Variants in CYSTM1 observed in about 807,000 individuals in gnomAD.
CYSTM1 encodes the protein cysteine-rich transmembrane module-containing protein 1.
In CYSTM1, 4 loss-of-function variants were observed where a neutral mutation model predicts 13.1. The ratio of observed to expected loss-of-function variants is 0.31; its 90% CI spans 0.15 to 0.70. The LOEUF is 0.70. Among genes scored for constraint, CYSTM1 ranks in the 30% least tolerant of loss-of-function variants. The pLI is 0.72. For synonymous variants in CYSTM1, 36 were observed against 42.7 expected, an observed-to-expected ratio of 0.84 and a Z score of 0.62; for missense variants, 96 against 121.6, an observed-to-expected ratio of 0.79 and a Z score of 0.99.
chr5:140,232,144 G>T (rs2126670953), intron 2 of CYSTM1, among the ~76,000 whole-genome samples: 1 of 152,300 alleles, frequency 6.6e-6, no homozygotes, highest in Non-Finnish European at 1.5e-5. Context: ...GGTGCCTGGT[G>T]GTGGTGTTTA....
chr5:140,181,109 G>A (rs112532842), intron 1 of CYSTM1, among the ~76,000 whole-genome samples: 1,539 of 152,320 alleles, frequency 0.01, 27 homozygotes, highest in African/African-American at 0.033. Flanking sequence ...CTTCTGCCAC[G>A]TTAAACGTTT....
chr5:140,229,197 G>T (rs1445256267), intron 2 of CYSTM1, among the ~76,000 whole-genome samples: 4 of 151,828 alleles, frequency 2.6e-5, no homozygotes, highest in Admixed American at 2.6e-4. Flanking sequence ...CTTCCTATCT[G>T]ACTCTCTTTT....
intron 1 of CYSTM1, among the ~76,000 whole-genome samples, chr5:140,180,261 G>A (rs1026417508): frequency 3.3e-5 from 5 of 152,102 alleles, no homozygotes; most frequent in South Asian, 4.1e-4. Context: ...AGTAGGATTC[G>A]AGTGCTTGCT....
chr5:140,203,905 G>A (rs1252330979), intron 2 of CYSTM1, among the ~76,000 whole-genome samples: 1 of 152,140 alleles, frequency 6.6e-6, no homozygotes, highest in Non-Finnish European at 1.5e-5. Context: ...TACAGCTTCA[G>A]CATACCCCAG....
intron 2 of CYSTM1, chr5:140,201,857 A>C (rs1764237681): frequency 6.6e-6 from 1 of 152,148 alleles, no homozygotes; most frequent in South Asian, 2.1e-4. Context: ...AACAGAAAAA[A>C]GGGATTCTGA....
At chr5:140,236,236 A>T (rs976821225) in intron 2 of CYSTM1, among the ~76,000 whole-genome samples, 1 of 152,220 alleles carries the variant, frequency 6.6e-6, no homozygotes, top group African/African-American at 2.4e-5. Context: ...TTATAAACTC[A>T]TCTGGATAGA....
At chr5:140,233,560 T>C (rs2126671438) in intron 2 of CYSTM1, among the ~76,000 whole-genome samples, 2 of 152,370 alleles carry the variant, frequency 1.3e-5, no homozygotes, top group Middle Eastern at 6.8e-3. Flanking sequence ...AAACTGCTAC[T>C]CTTTTCCAAA....
At chr5:140,193,227 A>C (rs1283266956) in intron 1 of CYSTM1, among the ~76,000 whole-genome samples, 1 of 152,228 alleles carries the variant, frequency 6.6e-6, no homozygotes, top group Admixed American at 6.5e-5. Flanking sequence ...ATGATATGTT[A>C]AGTGAGTCAT....
chr5:140,229,319 C>T (rs1227639304), intron 2 of CYSTM1, among the ~76,000 whole-genome samples: 1 of 151,972 alleles, frequency 6.6e-6, no homozygotes, highest in East Asian at 1.9e-4. Flanking sequence ...CTCAGCCTCC[C>T]AAGTAGCTGG....
At chr5:140,227,173 T>C (rs1355649830) in intron 2 of CYSTM1, among the ~76,000 whole-genome samples, 1 of 152,150 alleles carries the variant, frequency 6.6e-6, no homozygotes. Context: ...AGAACCTGGC[T>C]CAGGTGGGCT....
intron 2 of CYSTM1, among the ~76,000 whole-genome samples, chr5:140,223,843 G>A (rs1764518098): frequency 6.6e-6 from 1 of 152,216 alleles, no homozygotes; most frequent in South Asian, 2.1e-4. Flanking sequence ...GAAGATCAAA[G>A]AGGTTGTTCA....
At chr5:140,194,017 C>T (rs1447702023) in intron 1 of CYSTM1, among the ~76,000 whole-genome samples, 2 of 152,308 alleles carry the variant, frequency 1.3e-5, no homozygotes, top group African/African-American at 2.4e-5. Flanking sequence ...AGTGGATCAG[C>T]GTCCACTGAT....
intron 1 of CYSTM1, among the ~76,000 whole-genome samples, chr5:140,187,970 C>T (rs1764038207): frequency 6.6e-6 from 1 of 150,666 alleles, no homozygotes; most frequent in South Asian, 2.1e-4. Flanking sequence ...TTGACTAGAT[C>T]ATTAACAAGA....
At chr5:140,198,341 T>C (rs1581062273) in intron 2 of CYSTM1, among the ~76,000 whole-genome samples, 1 of 152,262 alleles carries the variant, frequency 6.6e-6, no homozygotes, top group East Asian at 1.9e-4. Flanking sequence ...GAGGCTCTTC[T>C]TGCTTCGTGT....
At chr5:140,242,898 G>C (rs1339982852) in intron 2 of CYSTM1, among the ~76,000 whole-genome samples, 2 of 152,226 alleles carry the variant, frequency 1.3e-5, no homozygotes, top group African/African-American at 4.8e-5. Context: ...CCCTTTAAAA[G>C]GAGATTTTAA....
In CYSTM1 at chr5:140,194,589, C is replaced by A. The variant is rs1041378087; in HGVS notation, c.124C>A (p.Pro42Thr). 2 of 1,613,574 alleles carry A rather than the reference C, an allele frequency of 1.2e-6. No homozygotes were observed. Among genetic ancestry groups the A allele is most frequent in the Non-Finnish European group, 1.7e-6 (2 of 1,179,726 alleles). ...GGPYPPPQGYPYQGYPQYGWQ... is the reference protein window; with the variant it reads ...GGPYPPPQGYTYQGYPQYGWQ... ...ACCCTACCCACCTCCTCAAGGGTAC[C>A]CCTACCAAGGATACCCACAGTACGG... Residue 42 changes from proline (P) to threonine (T), a missense_variant, in exon 2 of 3, where the codon CCC (proline) becomes ACC (threonine). Transcript: ENST00000261811.
chr5:140,226,543 AATAAT>A (rs1195906801), intron 2 of CYSTM1, among the ~76,000 whole-genome samples: 7 of 113,308 alleles, frequency 6.2e-5, no homozygotes, highest in South Asian at 2.6e-4. Context: ...TATATATATT[AATAAT>A]ATAATATATA....
intron 2 of CYSTM1, among the ~76,000 whole-genome samples, chr5:140,206,638 G>GTTTGTTTC (rs1554132670): frequency 3.8e-4 from 57 of 151,444 alleles, no homozygotes; most frequent in African/African-American, 6.1e-4. Context: ...TTGTTTGTTT[G>GTTTGTTTC]TTTCTTTTTT....
At chr5:140,207,110 G>C (rs1764308151) in intron 2 of CYSTM1, among the ~76,000 whole-genome samples, 1 of 152,196 alleles carries the variant, frequency 6.6e-6, no homozygotes, top group Non-Finnish European at 1.5e-5. Context: ...GACTTTAGCT[G>C]GGTCTGTCAG....
Sources: gnomAD v4.1 joint callset for allele counts (sites outside exome capture counted in the v4.1 genomes callset) on GRCh38, gnomAD v4.1.1 for gene constraint, MANE v1.5 for transcripts, NCBI Gene and HGNC (gene_info 2026-07-23, HGNC 2026-07-21) for gene names.